SGCD: variants seen among roughly 807,000 people sequenced by gnomAD.
SGCD encodes the protein delta-sarcoglycan.
SGCD carries 18 observed loss-of-function variants against 36.6 expected under a neutral mutation model. That is an observed-to-expected ratio of 0.49 (90% CI 0.34 to 0.73). SGCD has a LOEUF of 0.73. SGCD is among the 30% of genes least tolerant of loss of function. The probability of loss-of-function intolerance (pLI) is 0.01; values close to 1 mark genes in which losing one functional copy is unlikely to be tolerated. For missense variants in SGCD, 387 were observed against 346.7 expected (o/e 1.12, Z -0.92); for synonymous variants, 133 against 130.6 (o/e 1.02, Z -0.12).
chr5:156,735,363 T>C (rs1467878482), intron 7 of SGCD, among the ~76,000 whole-genome samples: 1 of 152,106 alleles, frequency 6.6e-6, no homozygotes, highest in Non-Finnish European at 1.5e-5. Flanking sequence ...ACAGCACAGA[T>C]GGCAGCCTGC....
At chr5:156,262,642 C>G (rs1477055535) in intron 3 of SGCD, among the ~76,000 whole-genome samples, 1 of 151,974 alleles carries the variant, frequency 6.6e-6, no homozygotes, top group African/African-American at 2.4e-5. Flanking sequence ...ATCACCTGGA[C>G]AGTATACACT....
At chr5:155,923,801 T>A (rs578029155) in intron 1 of SGCD, among the ~76,000 whole-genome samples, 1 of 152,370 alleles carries the variant, frequency 6.6e-6, no homozygotes, top group African/African-American at 2.4e-5. Flanking sequence ...GTTATTTACC[T>A]GTTTTAACTA....
At chr5:156,695,396 G>A (rs934167623) in intron 7 of SGCD, among the ~76,000 whole-genome samples, 1 of 152,008 alleles carries the variant, frequency 6.6e-6, no homozygotes, top group Non-Finnish European at 1.5e-5. Context: ...CAAATTGCAT[G>A]GCAACTCTTC....
the SGCD span, among the ~76,000 whole-genome samples, chr5:155,767,845 T>C: frequency 6.6e-6 from 1 of 152,162 alleles, no homozygotes; most frequent in Non-Finnish European, 1.5e-5. Flanking sequence ...TCCCAATGGG[T>C]GCTGTTTCTC....
At chr5:156,429,132 A>G (rs1392618996) in intron 3 of SGCD, among the ~76,000 whole-genome samples, 1 of 151,962 alleles carries the variant, frequency 6.6e-6, no homozygotes, top group Admixed American at 6.6e-5. Context: ...GTTGCTGTCT[A>G]TCTCATTTCT....
chr5:156,416,738 A>T (rs993511855), intron 3 of SGCD, among the ~76,000 whole-genome samples: 1 of 152,186 alleles, frequency 6.6e-6, no homozygotes, highest in Admixed American at 6.5e-5. Context: ...CATTCAAAGA[A>T]TATTTACAGC....
rs1198580525 is a variant in SGCD at position 156,765,924 on chromosome 5, A to G, written c.*6534A>G. The G allele has an allele frequency of 1.3e-5, 2 of 152,146 alleles. No individual in the cohort carries two copies. The highest frequency in any genetic ancestry group is 6.6e-5 in the Admixed American group (1 of 15,264). The allele number at this position is 152,146 out of a possible 1,614,324, so 9.4% of individuals were successfully genotyped here. On this transcript the variant is annotated 3_prime_UTR_variant, in exon 9 of 9. Coordinates refer to ENST00000337851, the MANE Select transcript of SGCD (RefSeq NM_000337.6). The stretch of plus-strand genomic sequence containing the variant: ...GTAGTCTCTCACAGTGACAGCATCT[A>G]TACTAAAGTATAGATACCTAAGGGG...
chr5:156,154,386 T>C (rs541395834), intron 3 of SGCD, among the ~76,000 whole-genome samples: 1 of 151,830 alleles, frequency 6.6e-6, no homozygotes, highest in South Asian at 2.1e-4. Flanking sequence ...CTAAGTGTTG[T>C]CTGTGGACTG....
At chr5:156,442,499 C>T (rs1398571493) in intron 3 of SGCD, among the ~76,000 whole-genome samples, 1 of 152,198 alleles carries the variant, frequency 6.6e-6, no homozygotes, top group African/African-American at 2.4e-5. Flanking sequence ...TGCATATATA[C>T]TGCAGCATGA....
At chr5:156,184,371 G>GTTTTT (rs3036754) in intron 3 of SGCD, among the ~76,000 whole-genome samples, 41,195 of 140,808 alleles carry the variant, frequency 0.29, 6,420 homozygotes, top group East Asian at 0.57. Context: ...CAAGCAGCCA[G>GTTTTT]TTTTTTTTTT....
At chr5:156,148,964 C>A (rs1175596908) in intron 3 of SGCD, among the ~76,000 whole-genome samples, 1 of 152,166 alleles carries the variant, frequency 6.6e-6, no homozygotes, top group Non-Finnish European at 1.5e-5. Context: ...ACTTTGGGGT[C>A]TAAGAAGCCA....
chr5:156,458,833 C>T (rs1343901799), intron 3 of SGCD, among the ~76,000 whole-genome samples: 1 of 152,156 alleles, frequency 6.6e-6, no homozygotes, highest in East Asian at 1.9e-4. Flanking sequence ...AAACAAGTGA[C>T]TAGAACATGG....
chr5:156,453,883 G>T (rs149439060), intron 3 of SGCD, among the ~76,000 whole-genome samples: 1 of 152,246 alleles, frequency 6.6e-6, no homozygotes, highest in African/African-American at 2.4e-5. Flanking sequence ...AACTTTATTT[G>T]TACAAAATTC....
the SGCD span, among the ~76,000 whole-genome samples, chr5:155,782,394 T>G: frequency 6.6e-6 from 1 of 152,182 alleles, no homozygotes; most frequent in Non-Finnish European, 1.5e-5. Context: ...ATTTGGCTGC[T>G]ACAAAAAATT....
intron 3 of SGCD, among the ~76,000 whole-genome samples, chr5:156,138,710 C>T (rs1762513112): frequency 2.0e-5 from 3 of 152,166 alleles, no homozygotes; most frequent in African/African-American, 4.8e-5. Context: ...GAGTGAATAT[C>T]AATGAGTGAA....
At chr5:155,772,448 G>A in the SGCD span, among the ~76,000 whole-genome samples, 63 of 152,256 alleles carry the variant, frequency 4.1e-4, 1 homozygote, top group South Asian at 7.2e-3. Context: ...AGGTCAGAGG[G>A]ACATAGGGAT....
chr5:156,275,916 C>T lies in SGCD; in HGVS notation c.-43-53618C>T, dbSNP rs564981482. On this transcript the variant is annotated intron_variant, in intron 3 of 9. Transcript: ENST00000517913. ...GTAACTACCATTTATTGAACATTTT[C>T]CATGTGCCCGGCCCTGTCCTACATT... Among the ~76,000 whole-genome samples, 3 of 152,220 alleles carry T rather than the reference C, an allele frequency of 2.0e-5. No individual in the cohort carries two copies. In the South Asian group the frequency reaches 6.2e-4, roughly 32 times the overall value.
At chr5:156,275,482 T>C (rs1462680091) in intron 3 of SGCD, among the ~76,000 whole-genome samples, 1 of 152,188 alleles carries the variant, frequency 6.6e-6, no homozygotes, top group Non-Finnish European at 1.5e-5. Context: ...ATAAAACAAG[T>C]ACAGAGGATT....
At chr5:156,332,232 T>C (rs547383586) in intron 2 of SGCD, among the ~76,000 whole-genome samples, 1 of 152,310 alleles carries the variant, frequency 6.6e-6, no homozygotes, top group Non-Finnish European at 1.5e-5. Flanking sequence ...ACCCAAAGGC[T>C]TGGACTATAG....
Sources: allele counts gnomAD v4.1 joint callset (sites outside exome capture counted in the v4.1 genomes callset), GRCh38; gene constraint gnomAD v4.1.1; transcripts MANE v1.5; gene names NCBI Gene and HGNC (gene_info 2026-07-23, HGNC 2026-07-21).